EXT1: variants seen among roughly 807,000 people sequenced by gnomAD.
EXT1 encodes the protein exostosin glycosyltransferase 1.
In EXT1, 20 loss-of-function variants were observed where a neutral mutation model predicts 82.5. That is an observed-to-expected ratio of 0.24 (90% CI 0.17 to 0.35). The LOEUF is 0.35. Ranked by LOEUF, EXT1 falls within the 10% of genes least tolerant of loss-of-function variation. The pLI is 1.00. For synonymous variants in EXT1, 348 were observed against 350.8 expected (o/e 0.99, Z 0.09); for missense variants, 757 against 936.5 (o/e 0.81, Z 2.50).
intron 1 of EXT1, among the ~76,000 whole-genome samples, chr8:117,920,236 C>T (rs1020136954): frequency 1.3e-5 from 2 of 151,652 alleles, no homozygotes; most frequent in African/African-American, 4.8e-5. Flanking sequence ...TCCCGAGTAG[C>T]TGGGATTACA....
intron 1 of EXT1, among the ~76,000 whole-genome samples, chr8:118,038,046 G>A (rs569789535): frequency 5.3e-5 from 8 of 152,002 alleles, no homozygotes; most frequent in African/African-American, 1.7e-4. Context: ...GGGTAGTCTC[G>A]AACTCCTGAC....
At chr8:117,965,991 T>TACAC (rs1176965487) in intron 1 of EXT1, among the ~76,000 whole-genome samples, 1 of 124,572 alleles carries the variant, frequency 8.0e-6, no homozygotes, top group East Asian at 2.0e-4. Context: ...CATACATGCA[T>TACAC]ATACACACAC....
At chr8:117,965,595 T>G (rs1317305511) in intron 1 of EXT1, among the ~76,000 whole-genome samples, 1 of 152,214 alleles carries the variant, frequency 6.6e-6, no homozygotes, top group Admixed American at 6.5e-5. Context: ...AGGATAGTTT[T>G]CTAATACATA....
In EXT1 at chr8:117,957,429, G is replaced by A. The variant is rs139559707; in HGVS notation, c.963-120228C>T. Among the ~76,000 whole-genome samples, 49 of 152,292 alleles carry A rather than the reference G, an allele frequency of 3.2e-4. 1 individual carries two copies. Among genetic ancestry groups the A allele is most frequent in the African/African-American group, 1.1e-3 (44 of 41,542 alleles). On this transcript the variant is annotated intron_variant, in intron 1 of 10. Coordinates refer to ENST00000378204, the MANE Select transcript of EXT1 (RefSeq NM_000127.3). ...CCCTGAATGGCAGTGAGTTCATAAT[G>A]GCCCTTCCCCCTGGCCTCTCGGCCC...
chr8:117,891,407 C>T (rs1813238126), intron 1 of EXT1, among the ~76,000 whole-genome samples: 1 of 152,148 alleles, frequency 6.6e-6, no homozygotes, highest in Admixed American at 6.5e-5. Context: ...AAATAAATTG[C>T]TGTAATCTGC....
intron 1 of EXT1, among the ~76,000 whole-genome samples, chr8:118,073,241 T>C (rs1453781412): frequency 6.6e-6 from 1 of 152,214 alleles, no homozygotes; most frequent in Admixed American, 6.5e-5. Context: ...ATTAGTGACA[T>C]ACGCTAACTA....
chr8:118,007,094 G>A (rs529967881), intron 1 of EXT1, among the ~76,000 whole-genome samples: 2 of 152,262 alleles, frequency 1.3e-5, no homozygotes, highest in South Asian at 2.1e-4. Context: ...TCAGGAGATC[G>A]AGACCATCTT....
intron 1 of EXT1, among the ~76,000 whole-genome samples, chr8:117,879,937 A>G (rs1219108241): frequency 6.6e-6 from 1 of 152,204 alleles, no homozygotes; most frequent in East Asian, 1.9e-4. Context: ...TTAAACATTT[A>G]TGTTAATTTA....
chr8:117,813,589 A>C (rs998465671), intron 7 of EXT1, among the ~76,000 whole-genome samples: 2 of 152,242 alleles, frequency 1.3e-5, no homozygotes, highest in African/African-American at 2.4e-5. Context: ...AACATTTACA[A>C]ATTAAAATAT....
intron 1 of EXT1, among the ~76,000 whole-genome samples, chr8:118,020,520 T>C (rs930794788): frequency 9.2e-5 from 14 of 152,206 alleles, no homozygotes; most frequent in African/African-American, 3.4e-4. Context: ...GACACAAATA[T>C]TGAGCTTTTT....
intron 1 of EXT1, among the ~76,000 whole-genome samples, chr8:118,094,875 G>A (rs779725012): frequency 1.4e-4 from 22 of 152,252 alleles, no homozygotes; most frequent in South Asian, 2.1e-4. Flanking sequence ...TTTTGTCTAC[G>A]CTACACAAGA....
At chr8:117,924,699 G>A (rs576922248) in intron 1 of EXT1, among the ~76,000 whole-genome samples, 38 of 152,278 alleles carry the variant, frequency 2.5e-4, no homozygotes, top group African/African-American at 8.7e-4. Context: ...CAAGAGGAAG[G>A]AGACATCTGG....
intron 1 of EXT1, among the ~76,000 whole-genome samples, chr8:117,970,182 G>A (rs1369547402): frequency 1.3e-5 from 2 of 152,144 alleles, no homozygotes; most frequent in Non-Finnish European, 2.9e-5. Flanking sequence ...GCACTATAAA[G>A]AGGTTTTATG....
chr8:117,925,815 T>A (rs1190401695), intron 1 of EXT1, among the ~76,000 whole-genome samples: 1 of 152,008 alleles, frequency 6.6e-6, no homozygotes, highest in African/African-American at 2.4e-5. Context: ...GGAGGATCAC[T>A]TGAGCCCAGG....
intron 1 of EXT1, among the ~76,000 whole-genome samples, chr8:117,879,221 C>G (rs1203579976): frequency 3.3e-5 from 5 of 152,056 alleles, no homozygotes; most frequent in Non-Finnish European, 7.4e-5. Context: ...TATTTCTAAC[C>G]CTTCCATTTT....
chr8:117,799,613 C>T lies in EXT1; in HGVS notation c.*99G>A. The T allele has an allele frequency of 7.1e-7, 1 of 1,407,258 alleles. No homozygotes were observed. Among genetic ancestry groups the T allele is most frequent in the African/African-American group, 1.4e-5 (1 of 70,238 alleles). The allele number at this position is 1,407,258 out of a possible 1,614,324, so 87.2% of individuals were successfully genotyped here. Reference sequence around the variant, plus strand: ...CTCATCTAAGTTTTTGGATAGTTGGCACAATCTGGCTCTGCTGATGAGTGG... The same window carrying T: ...CTCATCTAAGTTTTTGGATAGTTGGTACAATCTGGCTCTGCTGATGAGTGG... On this transcript the variant is annotated 3_prime_UTR_variant, in exon 11 of 11. Coordinates refer to ENST00000378204, the MANE Select transcript of EXT1 (RefSeq NM_000127.3).
In EXT1 at chr8:117,958,875, C is replaced by A. The variant is rs73323948; in HGVS notation, c.963-121674G>T. On this transcript the variant is annotated intron_variant, in intron 1 of 10. Transcript: ENST00000378204. Reference sequence around the variant, plus strand: ...TAAATATGCCATTTCTCTCACAATTCTTGCACTTACCATCTCTGGCTCCCC... The same window carrying A: ...TAAATATGCCATTTCTCTCACAATTATTGCACTTACCATCTCTGGCTCCCC... 8.0e-3 allele frequency among the ~76,000 whole-genome samples: 1,220 copies of A among 152,218 alleles called. 23 individuals are homozygous for A. The highest frequency in any genetic ancestry group is 0.028 in the African/African-American group (1,166 of 41,526).
At chr8:117,904,504 T>C (rs1255660381) in intron 1 of EXT1, among the ~76,000 whole-genome samples, 1 of 152,218 alleles carries the variant, frequency 6.6e-6, no homozygotes. Context: ...TTTGTGAAGA[T>C]TGAAATGGGT....
chr8:117,986,631 C>G (rs1302258540), intron 1 of EXT1, among the ~76,000 whole-genome samples: 1 of 152,200 alleles, frequency 6.6e-6, no homozygotes, highest in East Asian at 1.9e-4. Flanking sequence ...AAGAGAGGAA[C>G]TTCAAATTAA....
Sources: gnomAD v4.1 joint callset for allele counts (sites outside exome capture counted in the v4.1 genomes callset) on GRCh38, gnomAD v4.1.1 for gene constraint, MANE v1.5 for transcripts, NCBI Gene and HGNC (gene_info 2026-07-23, HGNC 2026-07-21) for gene names.